MTPAP: variants seen among roughly 807,000 people sequenced by gnomAD.
MTPAP encodes mitochondrial poly(A) polymerase.
Under a neutral mutation model 48.7 loss-of-function variants are expected in MTPAP, and 23 were observed. That is an observed-to-expected ratio of 0.47 (90% CI 0.34 to 0.67). The LOEUF is 0.67. Among genes scored for constraint, MTPAP ranks in the 30% least tolerant of loss-of-function variants. MTPAP has a pLI of 0.01. For missense variants in MTPAP, 614 were observed against 694.3 expected (o/e 0.88, Z 1.30); for synonymous variants, 257 against 254.1 (o/e 1.01, Z -0.11).
chr10:30,314,946 T>C (rs1840644071), intron 8 of MTPAP, among the ~76,000 whole-genome samples: 1 of 150,286 alleles, frequency 6.7e-6, no homozygotes, highest in Admixed American at 6.6e-5. Flanking sequence ...ATGAATCATA[T>C]GACTAACATA....
Position 30,311,998 on chromosome 10 carries a change from T to C in MTPAP, c.*1611A>G, listed in dbSNP as rs1342716070. 6.6e-6 allele frequency: 1 copy of C among 152,084 alleles called. No individual in the cohort carries two copies. Among genetic ancestry groups the C allele is most frequent in the East Asian group, 1.9e-4 (1 of 5,160 alleles). 9.4% of individuals were successfully genotyped at this position (152,084 alleles called of 1,614,324 possible). ...CCTGTCCCTACTAAAACTACAAAAA[T>C]TAGCTGGGCTTGGTGGTGGGCGCCT... On this transcript the variant is annotated 3_prime_UTR_variant, in exon 9 of 9. Transcript: ENST00000263063.
intron 3 of MTPAP, among the ~76,000 whole-genome samples, chr10:30,337,643 G>A (rs2132864489): frequency 6.6e-6 from 1 of 152,244 alleles, no homozygotes. Flanking sequence ...CTAGCAAAAT[G>A]AAAGTTGGCT....
intron 1 of MTPAP, among the ~76,000 whole-genome samples, chr10:30,342,787 T>C (rs1192873800): frequency 6.6e-6 from 1 of 152,134 alleles, no homozygotes; most frequent in Non-Finnish European, 1.5e-5. Context: ...TATCATGCGC[T>C]CTGTATCAGG....
At chr10:30,340,493 A>G (rs372153095) in intron 2 of MTPAP, 43 bp from the exon 3 acceptor site, 5 of 1,325,902 alleles carry the variant, frequency 3.8e-6, no homozygotes, top group Admixed American at 1.7e-5. Context: ...ATTTCACGAT[A>G]TATCTAACAT....
chr10:30,325,205 GTAC>G (rs1167805042), intron 5 of MTPAP, among the ~76,000 whole-genome samples: 1 of 151,980 alleles, frequency 6.6e-6, no homozygotes, highest in Non-Finnish European at 1.5e-5. Flanking sequence ...ATGATAGAAA[GTAC>G]AGTATTATAT....
intron 1 of MTPAP, among the ~76,000 whole-genome samples, chr10:30,348,278 A>G (rs898941221): frequency 2.6e-5 from 4 of 152,322 alleles, no homozygotes; most frequent in Admixed American, 2.6e-4. Flanking sequence ...TAAAGACACC[A>G]GCTTATTTTA....
chr10:30,328,768 C>T (rs1459684813), intron 4 of MTPAP, among the ~76,000 whole-genome samples: 1 of 152,076 alleles, frequency 6.6e-6, no homozygotes, highest in Non-Finnish European at 1.5e-5. Flanking sequence ...TCAGAGGCAA[C>T]CATGTGGCTA....
intron 6 of MTPAP, among the ~76,000 whole-genome samples, chr10:30,316,520 G>A (rs1340298953): frequency 6.6e-6 from 1 of 150,660 alleles, no homozygotes; most frequent in Non-Finnish European, 1.5e-5. Flanking sequence ...GGGGATTACA[G>A]GCGTGAGCCA....
intron 4 of MTPAP, 71 bp downstream of exon 4, chr10:30,336,732 A>C: frequency 8.4e-7 from 1 of 1,184,228 alleles, no homozygotes; most frequent in East Asian, 2.3e-5. Context: ...TATTTTATTA[A>C]GTTCAAAGAT....
At chr10:30,346,057 A>C (rs958768834) in intron 1 of MTPAP, among the ~76,000 whole-genome samples, 24 of 151,970 alleles carry the variant, frequency 1.6e-4, no homozygotes, top group Non-Finnish European at 3.5e-4. Flanking sequence ...AAAAAAAAAA[A>C]AAAGACAGAA....
At position 30,310,338 on chromosome 10, in the gene MTPAP, C is replaced by T. The variant is rs561714982; in HGVS notation, c.*3271G>A. On this transcript the variant is annotated 3_prime_UTR_variant, in exon 9 of 9. Transcript: ENST00000263063. ...TGGTGGCTCATGCCTGTAATCCCAG[C>T]ATTTTGGGAGGGCGAGGTGGGCAGG... The T allele has an allele frequency of 3.3e-5, 5 of 152,100 alleles. No homozygotes were observed. The highest frequency in any genetic ancestry group is 9.6e-5 in the African/African-American group (4 of 41,462). 9.4% of individuals were successfully genotyped at this position (152,100 alleles called of 1,614,324 possible). A position where few individuals can be genotyped will look rare whatever the true frequency, so the allele number is the denominator to read the frequency against.
chr10:30,336,930 G>A lies in MTPAP; in HGVS notation c.653C>T (p.Ala218Val). 1 of 1,613,424 alleles carries A rather than the reference G, an allele frequency of 6.2e-7. No individual in the cohort carries two copies. Among genetic ancestry groups the A allele is most frequent in the Non-Finnish European group, 8.5e-7 (1 of 1,179,918 alleles). Residue 218 changes from alanine (A) to valine (V), a missense_variant, in exon 4 of 9, where the codon GCC (alanine) becomes GTC (valine). Around this residue, in one of 5 missense-constraint regions of MTPAP, gnomAD observed 261 missense variants for 355.4 expected, o/e 0.73. Transcript: ENST00000263063. ...YLTCSLIEDM[A>V]AAYFPDCIVR... ...TATGCAGTCTGGAAAATACGCGGCG[G>A]CCATGTCTTCAATAAGAGAACAGGT... is the stretch of plus-strand genomic sequence containing the variant.
intron 4 of MTPAP, among the ~76,000 whole-genome samples, chr10:30,332,368 C>T (rs1307408907): frequency 6.6e-6 from 1 of 152,212 alleles, no homozygotes; most frequent in Non-Finnish European, 1.5e-5. Context: ...TCTCGGCTCA[C>T]TGCAACCTCT....
At position 30,310,002 on chromosome 10, in the gene MTPAP, G is replaced by A. The variant is rs1840572243; in HGVS notation, c.*3607C>T. The A allele has an allele frequency of 6.6e-6, 1 of 152,114 alleles. No homozygotes were observed. Among genetic ancestry groups the A allele is most frequent in the South Asian group, 2.1e-4 (1 of 4,824 alleles). The allele number at this position is 152,114 out of a possible 1,614,324, so 9.4% of individuals were successfully genotyped here. A position where few individuals can be genotyped will look rare whatever the true frequency, so the allele number is the denominator to read the frequency against. On this transcript the variant is annotated 3_prime_UTR_variant, in exon 9 of 9. Transcript: ENST00000263063. Reference sequence around the variant, plus strand: ...GCTATAGCTGAAATCGTTTTGATCTGGGTAGTCTCCTATCAAAATTACTTT... The same window carrying A: ...GCTATAGCTGAAATCGTTTTGATCTAGGTAGTCTCCTATCAAAATTACTTT...
rs150627008 is a variant in MTPAP, at chr10:30,325,562, C to A, written c.992+862G>T. ...AGGAGTTCGAGACCAGCCTGGCCAA[C>A]AGGGTGAAACCCCGTCTCCACTAAA... On this transcript the variant is annotated intron_variant, in intron 5 of 8. Transcript: ENST00000263063. Among the ~76,000 whole-genome samples, 20 of 152,218 alleles carry A rather than the reference C, an allele frequency of 1.3e-4. No homozygotes were observed. In the East Asian group the frequency reaches 1.7e-3, roughly 13 times the overall value.
At chr10:30,336,697 T>C in intron 4 of MTPAP, 106 bp downstream of exon 4, 1 of 928,372 alleles carries the variant, frequency 1.1e-6, no homozygotes, top group South Asian at 1.4e-5. Context: ...CCACAATGTT[T>C]AATAAGTTTA....
chr10:30,323,959 T>G (rs754224531), intron 5 of MTPAP, among the ~76,000 whole-genome samples: 4 of 152,180 alleles, frequency 2.6e-5, no homozygotes, highest in Non-Finnish European at 5.9e-5. Context: ...GGTGGGCAGA[T>G]AGCTTGAGCC....
In MTPAP at chr10:30,331,120, A is replaced by G. The variant is rs567657812; in HGVS notation, c.781-4485T>C. On this transcript the variant is annotated intron_variant, in intron 4 of 8. Coordinates refer to ENST00000263063, the MANE Select transcript of MTPAP (RefSeq NM_018109.4). ...TGCCTTTAGGGAAAATTTAGATGAAAATTATACTTATTATGAGCAAAGGAA... is the reference window on the plus strand; with the variant it reads ...TGCCTTTAGGGAAAATTTAGATGAAGATTATACTTATTATGAGCAAAGGAA... Among the ~76,000 whole-genome samples, 3 of 152,318 alleles carry G rather than the reference A, an allele frequency of 2.0e-5. No individual in the cohort carries two copies. The South Asian group carries it at 6.2e-4, about 32-fold the overall frequency.
In MTPAP at chr10:30,313,885, A is replaced by G. The variant is rs180954746; in HGVS notation, c.1473T>C (p.Ser491=). 382 of 1,614,130 alleles carry G rather than the reference A, an allele frequency of 2.4e-4. 4 individuals carry two copies. Among genetic ancestry groups the G allele is most frequent in the Non-Finnish European group, 3.1e-5 (36 of 1,180,008 alleles). The change falls in exon 9 of 9, where the codon AGT becomes AGC. Residue 491 remains serine (S), a synonymous_variant. Transcript: ENST00000263063. ...CTACAAATTTTTGCAGCTGGCTTTG[A>G]CTTACATTTTTGCTTATGTTGAGAG... ...ETSLNISKNV[S]QSQLQKFVDL...
Sources: allele counts gnomAD v4.1 joint callset (sites outside exome capture counted in the v4.1 genomes callset), GRCh38; gene constraint gnomAD v4.1.1; regional missense constraint gnomAD v4.1.1; transcripts MANE v1.5; gene names NCBI Gene and HGNC (gene_info 2026-07-23, HGNC 2026-07-21).